The following TOX3 variants were observed in gnomAD, a reference collection of about 807,000 sequenced individuals.
The protein encoded by TOX3 is CAG trinucleotide repeat-containing gene F9 protein.
TOX3 carries 22 observed loss-of-function variants against 64.3 expected under a neutral mutation model. The observed-to-expected ratio is 0.34, with a 90% CI of 0.24 to 0.49. The LOEUF (loss-of-function observed/expected upper bound fraction) is 0.49, where lower values mean the gene tolerates loss of function less well. Among genes scored for constraint, TOX3 ranks in the 20% least tolerant of loss-of-function variants. The pLI, the probability that TOX3 is intolerant of heterozygous loss-of-function variation, is 0.99. For synonymous variants in TOX3, 291 were observed against 273.6 expected (o/e 1.06, Z -0.63); for missense variants, 661 against 714.4 (o/e 0.93, Z 0.85).
At chr16:52,481,195 G>T (rs1961360642) in intron 1 of TOX3, among the ~76,000 whole-genome samples, 1 of 152,114 alleles carries the variant, frequency 6.6e-6, no homozygotes, top group Non-Finnish European at 1.5e-5. Flanking sequence ...GCATTGTGTT[G>T]CCTTTGGATA....
At chr16:52,483,211 T>C (rs756167330) in intron 1 of TOX3, among the ~76,000 whole-genome samples, 22 of 152,220 alleles carry the variant, frequency 1.4e-4, no homozygotes, top group African/African-American at 4.8e-4. Flanking sequence ...TTAATGACTT[T>C]AATAAGATTG....
At position 52,439,349 on chromosome 16, in the gene TOX3, A is replaced by G; in HGVS notation, c.1607T>C (p.Val536Ala). The G allele has an allele frequency of 6.2e-7, 1 of 1,611,832 alleles. No homozygotes were observed. The change falls in exon 7 of 7, where the codon GTC becomes GCC. Residue 536 changes from valine to alanine, a missense_variant. This residue lies in a region of TOX3 where 299 missense variants were observed against 292.1 expected (regional missense o/e 1.02). Transcript: ENST00000219746. ...SQPSPRQHSPVASQITSPIPA... is the reference protein window; with the variant it reads ...SQPSPRQHSPAASQITSPIPA... The stretch of plus-strand genomic sequence containing the variant: ...GATGGGGGATGTTATCTGAGAGGCG[A>G]CAGGGGAGTGCTGCCGAGGAGAAGG...
At chr16:52,460,747 C>G (rs1351840934) in intron 3 of TOX3, among the ~76,000 whole-genome samples, 2 of 152,132 alleles carry the variant, frequency 1.3e-5, no homozygotes, top group East Asian at 1.9e-4. Flanking sequence ...TGAATGCTGG[C>G]AAAGGCTATA....
chr16:52,463,743 T>C (rs985023997), intron 3 of TOX3, among the ~76,000 whole-genome samples, 191 bp downstream of exon 3: 1 of 152,212 alleles, frequency 6.6e-6, no homozygotes, highest in Admixed American at 6.5e-5. Context: ...ATCCTCTTTT[T>C]GGTTACTGTC....
intron 1 of TOX3, among the ~76,000 whole-genome samples, chr16:52,470,639 G>A (rs949975879): frequency 6.6e-6 from 1 of 152,164 alleles, no homozygotes; most frequent in Non-Finnish European, 1.5e-5. Context: ...AATCAGCTGT[G>A]AATTGTATCC....
intron 1 of TOX3, among the ~76,000 whole-genome samples, chr16:52,530,040 A>G (rs562475943): frequency 5.9e-5 from 9 of 152,334 alleles, no homozygotes; most frequent in African/African-American, 2.2e-4. Context: ...GGTTATCTGG[A>G]TGAACGGAAG....
chr16:52,472,633 A>G (rs1318186674), intron 1 of TOX3, among the ~76,000 whole-genome samples: 1 of 152,212 alleles, frequency 6.6e-6, no homozygotes, highest in Non-Finnish European at 1.5e-5. Flanking sequence ...GGGGCCTTCT[A>G]TGCAATTTCA....
intron 3 of TOX3, among the ~76,000 whole-genome samples, chr16:52,453,713 A>G (rs965536157): frequency 6.6e-5 from 10 of 152,142 alleles, no homozygotes; most frequent in African/African-American, 2.4e-4. Flanking sequence ...ATTTGCACAT[A>G]TAGGTGCTCG....
At position 52,500,072 on chromosome 16, in the gene TOX3, T is replaced by TA. The variant is rs59738761; in HGVS notation, c.88-31499dup. 1.7e-3 allele frequency among the ~76,000 whole-genome samples: 253 copies of TA among 152,322 alleles called. 2 individuals are homozygous for TA. The highest frequency in any genetic ancestry group is 0.01 in the Middle Eastern group (3 of 294). ...TCTCTGCAGAGACAGGGAGCTCTGA[T>TA]ACTGGAAATGAAAATGCTTATCATG... On this transcript the variant is annotated intron_variant, in intron 1 of 6. Transcript: ENST00000219746.
chr16:52,510,778 A>AAAAAAAAAAAAAAAAAAAAAG (rs574634087), intron 1 of TOX3, among the ~76,000 whole-genome samples: 3 of 115,140 alleles, frequency 2.6e-5, no homozygotes, highest in African/African-American at 7.0e-5. Context: ...AAAAAAAAAA[A>AAAAAAAAAAAAAAAAAAAAAG]AAGAAGAAGA....
intron 1 of TOX3, among the ~76,000 whole-genome samples, chr16:52,538,071 A>C (rs1217028087): frequency 1.3e-5 from 2 of 152,156 alleles, no homozygotes; most frequent in African/African-American, 2.4e-5. Flanking sequence ...CATTTTTACT[A>C]AAACAATCAT....
chr16:52,458,125 C>T (rs1177349933), intron 3 of TOX3, among the ~76,000 whole-genome samples: 2 of 152,150 alleles, frequency 1.3e-5, no homozygotes, highest in African/African-American at 4.8e-5. Context: ...GCCCCCTCCC[C>T]TCCATTTTAA....
intron 1 of TOX3, among the ~76,000 whole-genome samples, chr16:52,471,578 C>T (rs1490980829): frequency 6.6e-6 from 1 of 152,172 alleles, no homozygotes; most frequent in Admixed American, 6.5e-5. Context: ...ACATCTCTCC[C>T]AGAACTAACA....
At chr16:52,522,779 C>G (rs1962638585) in intron 1 of TOX3, among the ~76,000 whole-genome samples, 1 of 152,218 alleles carries the variant, frequency 6.6e-6, no homozygotes, top group Non-Finnish European at 1.5e-5. Flanking sequence ...TCTCTCCTAT[C>G]TGGTCCCTGT....
At chr16:52,513,488 A>G (rs1395954056) in intron 1 of TOX3, among the ~76,000 whole-genome samples, 1 of 152,230 alleles carries the variant, frequency 6.6e-6, no homozygotes, top group East Asian at 1.9e-4. Context: ...TGGAAATTGA[A>G]AATACACTAA....
chr16:52,511,074 G>A (rs766853518), intron 1 of TOX3, among the ~76,000 whole-genome samples: 16 of 152,152 alleles, frequency 1.1e-4, no homozygotes, highest in Admixed American at 3.3e-4. Context: ...GGACCAAAGA[G>A]GACATTTAAA....
intron 1 of TOX3, among the ~76,000 whole-genome samples, chr16:52,531,517 G>T (rs1289427951): frequency 6.6e-6 from 1 of 152,182 alleles, no homozygotes; most frequent in Non-Finnish European, 1.5e-5. Context: ...AACTTAAGTG[G>T]TGTATAAAAA....
At chr16:52,522,916 G>C (rs748271021) in intron 1 of TOX3, among the ~76,000 whole-genome samples, 1 of 152,158 alleles carries the variant, frequency 6.6e-6, no homozygotes, top group African/African-American at 2.4e-5. Context: ...ATGGATGAAG[G>C]CCTCCTCTAT....
intron 1 of TOX3, among the ~76,000 whole-genome samples, chr16:52,507,860 A>G (rs1309260184): frequency 6.6e-6 from 1 of 152,196 alleles, no homozygotes; most frequent in East Asian, 1.9e-4. Context: ...ACATTATTTG[A>G]AAGTAAATAA....
Sources: gnomAD v4.1 joint callset for allele counts (sites outside exome capture counted in the v4.1 genomes callset) on GRCh38, gnomAD v4.1.1 for gene constraint, gnomAD v4.1.1 regional missense constraint, MANE v1.5 for transcripts, NCBI Gene and HGNC (gene_info 2026-07-23, HGNC 2026-07-21) for gene names.